The following CHD1L variants were observed in gnomAD, a reference collection of about 807,000 sequenced individuals.
CHD1L encodes ATP-dependent chromatin remodeler CHD1L.
In CHD1L, 118 loss-of-function variants were observed where a neutral mutation model predicts 115.9. The observed-to-expected ratio is 1.02, with a 90% CI of 0.88 to 1.19. The LOEUF (loss-of-function observed/expected upper bound fraction) is 1.19, where lower values mean the gene tolerates loss of function less well. CHD1L is among the 50% of genes most tolerant of loss of function. The pLI is 0.00. For synonymous variants in CHD1L, 411 were observed against 387.1 expected (o/e 1.06, Z -0.72); for missense variants, 1,179 against 1,065.3 (o/e 1.11, Z -1.49).
the CHD1L span, among the ~76,000 whole-genome samples, chr1:147,194,681 G>A: frequency 3.3e-5 from 5 of 151,946 alleles, no homozygotes; most frequent in Non-Finnish European, 7.4e-5. Flanking sequence ...CTTCCTTCAG[G>A]AGCTCTTTTA....
chr1:147,262,743 T>C (rs905673428), intron 6 of CHD1L, among the ~76,000 whole-genome samples: 3 of 130,206 alleles, frequency 2.3e-5, no homozygotes, highest in African/African-American at 8.5e-5. Context: ...AAAAAAAAAA[T>C]TGTTTACATC....
the CHD1L span, chr1:147,184,780 A>G: frequency 9.3e-7 from 1 of 1,074,242 alleles, no homozygotes; most frequent in Non-Finnish European, 1.2e-6. The surrounding 1 kb of genome is among the most constrained non-coding windows in gnomAD (Gnocchi z 4.4). Flanking sequence ...AGATTTCTCC[A>G]CTACAAAGTT....
chr1:147,233,341 T>A, the CHD1L span, among the ~76,000 whole-genome samples: 1 of 120,350 alleles, frequency 8.3e-6, no homozygotes, highest in Non-Finnish European at 1.7e-5. Context: ...GATCAGCCCC[T>A]GCCAGGCCAG....
chr1:147,216,573 T>A, the CHD1L span, among the ~76,000 whole-genome samples: 1 of 152,246 alleles, frequency 6.6e-6, no homozygotes, highest in South Asian at 2.1e-4. Flanking sequence ...CCTAGCCTTT[T>A]AAAAAAATAT....
At chr1:147,182,708 TG>T in the CHD1L span, among the ~76,000 whole-genome samples, 1 of 152,132 alleles carries the variant, frequency 6.6e-6, no homozygotes, top group African/African-American at 2.4e-5. Flanking sequence ...TCAGAAGTTA[TG>T]GGTGCGTCAA....
At chr1:147,293,866 TGTA>T (rs1686559267) in intron 21 of CHD1L, 144 bp downstream of exon 21, 6 of 656,000 alleles carry the variant, frequency 9.1e-6, no homozygotes, top group Admixed American at 5.2e-5. Context: ...CCCACCGTCT[TGTA>T]GTCATATAGC....
chr1:147,290,838 G>A (rs1487433050), intron 19 of CHD1L, among the ~76,000 whole-genome samples: 1 of 151,808 alleles, frequency 6.6e-6, no homozygotes, highest in Non-Finnish European at 1.5e-5. Context: ...TTTTTGTAGA[G>A]ACTGGGTCTT....
chr1:147,186,976 G>T, the CHD1L span: 1 of 1,614,188 alleles, frequency 6.2e-7, no homozygotes, highest in Admixed American at 1.7e-5. Context: ...TGAAGTCATA[G>T]AACTACTCCT....
At chr1:147,178,266 G>T in the CHD1L span, 1 of 1,613,718 alleles carries the variant, frequency 6.2e-7, no homozygotes. Flanking sequence ...TGCTCGTCGA[G>T]TTCTTCGCCC....
At chr1:147,238,084 T>C (rs1327153981), upstream of CHD1L, among the ~76,000 whole-genome samples, 3 of 152,228 alleles carry the variant, frequency 2.0e-5, no homozygotes, top group Non-Finnish European at 4.4e-5. Flanking sequence ...GTTCTAAATT[T>C]ATTACATGTT....
chr1:147,260,557 C>G (rs1420009684), intron 6 of CHD1L: 1 of 152,164 alleles, frequency 6.6e-6, no homozygotes, highest in Non-Finnish European at 1.5e-5. Flanking sequence ...TTTCAACTCT[C>G]TTTTGATTAT....
intron 6 of CHD1L, 137 bp downstream of exon 6, chr1:147,260,055 G>A (rs1671412690): frequency 1.6e-6 from 1 of 617,272 alleles, no homozygotes; most frequent in South Asian, 2.2e-5. Context: ...CCCCACACAT[G>A]TACAGCTGTC....
At chr1:147,295,200 G>C (rs1240026633) in intron 22 of CHD1L, among the ~76,000 whole-genome samples, 2 of 152,162 alleles carry the variant, frequency 1.3e-5, no homozygotes, top group African/African-American at 2.4e-5. Context: ...TAAAAACTTA[G>C]AGAAGCCAGC....
At chr1:147,243,314 A>G (rs1052724062) in intron 1 of CHD1L, among the ~76,000 whole-genome samples, 10 of 152,090 alleles carry the variant, frequency 6.6e-5, no homozygotes, top group Non-Finnish European at 1.2e-4. Context: ...GCCACGGATT[A>G]ATTCTCCGGA....
chr1:147,283,034 T>G (rs191189710), intron 15 of CHD1L, among the ~76,000 whole-genome samples: 2 of 152,304 alleles, frequency 1.3e-5, no homozygotes, highest in Admixed American at 6.5e-5. Flanking sequence ...GACTAGTAAC[T>G]AACGTGGCCC....
In CHD1L at chr1:147,254,986, A is replaced by G. The variant is rs1669607297; in HGVS notation, c.347+10A>G. On this transcript the variant is annotated intron_variant, in intron 3 of 22. Transcript: ENST00000369258. ...AAGAAGAAATGCAGAGGTACAGAGT[A>G]GATGTAGCTGAAATTTTATTGTTTA... The G allele has an allele frequency of 1.3e-6, 2 of 1,540,736 alleles. No homozygotes were observed. Among genetic ancestry groups the G allele is most frequent in the Non-Finnish European group, 1.8e-6 (2 of 1,142,568 alleles).
intron 5 of CHD1L, among the ~76,000 whole-genome samples, chr1:147,257,044 T>C (rs1670389114): frequency 1.3e-5 from 2 of 152,210 alleles, no homozygotes; most frequent in Admixed American, 1.3e-4. Context: ...AGTGTACCTC[T>C]AATTAGTTAA....
chr1:147,219,586 CCT>C, the CHD1L span, among the ~76,000 whole-genome samples: 1 of 151,940 alleles, frequency 6.6e-6, no homozygotes, highest in East Asian at 1.9e-4. Context: ...GTAAGGATGT[CCT>C]CTCTCACCAC....
the CHD1L span, chr1:147,184,410 T>G: frequency 7.4e-7 from 1 of 1,343,676 alleles, no homozygotes; most frequent in Non-Finnish European, 9.7e-7. This position sits in a 1 kb window ranked among gnomAD's most constrained non-coding sequence, Gnocchi z 4.4. Context: ...AATGCATACT[T>G]TATTAATATT....
Sources: allele counts gnomAD v4.1 joint callset (sites outside exome capture counted in the v4.1 genomes callset), GRCh38; gene constraint gnomAD v4.1.1; non-coding constraint Gnocchi (gnomAD v3.1); transcripts MANE v1.5; gene names NCBI Gene and HGNC (gene_info 2026-07-23, HGNC 2026-07-21).